The following FBN2 variants were observed in gnomAD, a reference collection of about 807,000 sequenced individuals.
FBN2 encodes the protein fibrillin 2, also known as fibrillin-2.
A neutral mutation model predicts 355.6 loss-of-function variants in FBN2; 105 were observed. The ratio of observed to expected loss-of-function variants is 0.30; its 90% CI spans 0.25 to 0.35. FBN2 has a LOEUF of 0.35. FBN2 is among the 10% of genes least tolerant of loss of function. The pLI is 1.00. For synonymous variants in FBN2, 1,350 were observed against 1,301.2 expected (o/e 1.04, Z -0.81); for missense variants, 3,280 against 3,758.7 (o/e 0.87, Z 3.33).
At chr5:128,458,843 G>C (rs1190303167) in intron 6 of FBN2, among the ~76,000 whole-genome samples, 1 of 152,072 alleles carries the variant, frequency 6.6e-6, no homozygotes, top group Non-Finnish European at 1.5e-5. Flanking sequence ...ACATCAGAAA[G>C]CTATAAAGAT....
At chr5:128,522,841 C>T (rs963180262) in intron 4 of FBN2, among the ~76,000 whole-genome samples, 19 of 152,214 alleles carry the variant, frequency 1.2e-4, no homozygotes, top group African/African-American at 4.3e-4. Context: ...ACAGAAGGAA[C>T]GCTGACCACT....
At chr5:128,473,108 G>A (rs1754917069) in intron 5 of FBN2, among the ~76,000 whole-genome samples, 1 of 152,112 alleles carries the variant, frequency 6.6e-6, no homozygotes, top group Non-Finnish European at 1.5e-5. Flanking sequence ...ACTATACTTT[G>A]GCAAGTTTTT....
Position 128,344,119 on chromosome 5 carries a change from C to T in FBN2, c.3343+266G>A, listed in dbSNP as rs141806441. Among the ~76,000 whole-genome samples, 1,696 of 152,132 alleles carry T rather than the reference C, an allele frequency of 0.011. 32 individuals carry two copies. The highest frequency in any genetic ancestry group is 0.038 in the African/African-American group (1,572 of 41,476). On this transcript the variant is annotated intron_variant, in intron 25 of 64. Transcript: ENST00000262464. ...CTTTTTAATTAGCTGTGCATGGTGG[C>T]GCACACCTGTGCTCCCAGTTACTTG...
Position 128,537,885 on chromosome 5 carries a change from C to A in FBN2, c.-282G>T. ...GAGCGGTACACGTTGCATAACCGGC[C>A]TAAAGCCCCGAGCGACTCCAGGACC... On this transcript the variant is annotated 5_prime_UTR_variant, in exon 1 of 65. In the 5' UTR this introduces an upstream ATG that the reference lacks. Transcript: ENST00000262464. 1.3e-5 allele frequency: 7 copies of A among 530,432 alleles called. No homozygotes were observed. The highest frequency in any genetic ancestry group is 3.4e-5 in the Admixed American group (1 of 29,736). 32.9% of individuals were successfully genotyped at this position (530,432 alleles called of 1,614,324 possible). A position where few individuals can be genotyped will look rare whatever the true frequency, so the allele number is the denominator to read the frequency against.
chr5:128,527,811 T>C lies in FBN2; in HGVS notation c.532+61A>G. ...TCACAGGATTTATGAGACCTTAAAT[T>C]ATAACTTAATATGAAATATCCACCA... is the stretch of plus-strand genomic sequence containing the variant. On this transcript the variant is annotated intron_variant, in intron 4 of 64. Transcript: ENST00000262464. The C allele has an allele frequency of 2.5e-6, 3 of 1,214,110 alleles. No individual in the cohort carries two copies. The Admixed American group carries it at 5.3e-5, about 22-fold the overall frequency. The allele number at this position is 1,214,110 out of a possible 1,614,324, so 75.2% of individuals were successfully genotyped here.
chr5:128,506,263 G>A (rs1755957241), intron 5 of FBN2, among the ~76,000 whole-genome samples: 1 of 152,106 alleles, frequency 6.6e-6, no homozygotes, highest in African/African-American at 2.4e-5. Flanking sequence ...AATTTTGGGA[G>A]AAGAGATACC....
At chr5:128,299,849 C>T (rs7711092) in intron 48 of FBN2, among the ~76,000 whole-genome samples, 2 of 152,070 alleles carry the variant, frequency 1.3e-5, no homozygotes, top group Admixed American at 1.3e-4. Flanking sequence ...GCTCCTCCCC[C>T]CTTAAACTTT....
chr5:128,378,553 T>A (rs992174263), intron 12 of FBN2, among the ~76,000 whole-genome samples: 6 of 152,194 alleles, frequency 3.9e-5, no homozygotes, highest in Admixed American at 3.3e-4. Context: ...GGAAGGAAGA[T>A]AAACTGAATT....
intron 6 of FBN2, among the ~76,000 whole-genome samples, chr5:128,456,360 C>T (rs547537835): frequency 1.3e-5 from 2 of 152,312 alleles, no homozygotes; most frequent in Admixed American, 1.3e-4. Flanking sequence ...CTTAGCCTCT[C>T]CTCCTGGTAG....
rs1424669170 is a variant in FBN2, at chr5:128,415,447, C to T, written c.953-6648G>A. On this transcript the variant is annotated intron_variant, in intron 7 of 64. Coordinates refer to ENST00000262464, the MANE Select transcript of FBN2 (RefSeq NM_001999.4). The stretch of plus-strand genomic sequence containing the variant: ...ATTTTTATACACATATGAGTGAGAC[C>T]ATGAAATATTTGCCTTTATCTTCTG... Among the ~76,000 whole-genome samples the T allele has an allele frequency of 2.6e-5, 4 of 152,124 alleles. No individual in the cohort carries two copies. The East Asian group carries it at 7.7e-4, about 29-fold the overall frequency.
intron 5 of FBN2, among the ~76,000 whole-genome samples, chr5:128,482,500 A>G (rs1755219457): frequency 6.6e-6 from 1 of 152,150 alleles, no homozygotes; most frequent in African/African-American, 2.4e-5. Context: ...TTTTGCAACC[A>G]AGACCCTTAA....
intron 6 of FBN2, among the ~76,000 whole-genome samples, chr5:128,447,785 T>C (rs922937954): frequency 6.6e-6 from 1 of 152,240 alleles, no homozygotes; most frequent in East Asian, 1.9e-4. Flanking sequence ...CGACATGTGA[T>C]GTCTCCCCCG....
rs1752562223 is a variant in FBN2, at chr5:128,393,158, T to C, written c.1442A>G (p.Gln481Arg). The C allele has an allele frequency of 6.2e-7, 1 of 1,613,914 alleles. No individual in the cohort carries two copies. The highest frequency in any genetic ancestry group is 8.5e-7 in the Non-Finnish European group (1 of 1,179,880). Residue 481 changes from glutamine (Q) to arginine (R), a missense_variant, in exon 10 of 65, where the codon CAG (glutamine) becomes CGG (arginine). By Grantham distance (43) the Gln-to-Arg change is conservative (BLOSUM62 1). Around this residue, in one of 6 missense-constraint regions of FBN2, gnomAD observed 343 missense variants for 331.0 expected, o/e 1.04. Coordinates refer to ENST00000262464, the MANE Select transcript of FBN2 (RefSeq NM_001999.4). The part of the protein sequence containing the change: ...VGGAGVGAGG[Q>R]GPIITGLTIL... ...ACTTAGTCCAGTGATGATAGGTCCCTGTCCCCCGGCCCCCACACCGGCTCC... is the reference window on the plus strand; with the variant it reads ...ACTTAGTCCAGTGATGATAGGTCCCCGTCCCCCGGCCCCCACACCGGCTCC...
rs200874160 is a variant in FBN2 at position 128,446,616 on chromosome 5, G to A, written c.827-10C>T. 1.7e-5 allele frequency: 27 copies of A among 1,612,926 alleles called. 1 individual carries two copies. In the South Asian group the frequency reaches 2.2e-4, roughly 13 times the overall value. On this transcript the variant is annotated splice_polypyrimidine_tract_variant and intron_variant, in intron 6 of 64. Coordinates refer to ENST00000262464, the MANE Select transcript of FBN2 (RefSeq NM_001999.4). The stretch of plus-strand genomic sequence containing the variant: ...TGGCATTCATCAACATCTGCAAGAA[G>A]AAAACATTTTGAACACAGATGACAC...
chr5:128,264,286 C>T (rs955066772), intron 62 of FBN2, among the ~76,000 whole-genome samples: 5 of 152,042 alleles, frequency 3.3e-5, no homozygotes, highest in Admixed American at 3.3e-4. Context: ...AATTTATAAA[C>T]CCTAAATGAA....
In FBN2 at chr5:128,302,958, G is replaced by T; in HGVS notation, c.5917+15C>A. 1.5e-6 allele frequency: 2 copies of T among 1,295,130 alleles called. No homozygotes were observed. The highest frequency in any genetic ancestry group is 2.3e-6 in the Non-Finnish European group (2 of 888,464). 80.2% of individuals were successfully genotyped at this position (1,295,130 alleles called of 1,614,324 possible). A position where few individuals can be genotyped will look rare whatever the true frequency, so the allele number is the denominator to read the frequency against. On this transcript the variant is annotated intron_variant, in intron 46 of 64. Coordinates refer to ENST00000262464, the MANE Select transcript of FBN2 (RefSeq NM_001999.4). Reference sequence around the variant, plus strand: ...AATGAAATAGAAGCAATAAAGGACTGAATGAAGTACTTACCCAGGCAATCA... The same window carrying T: ...AATGAAATAGAAGCAATAAAGGACTTAATGAAGTACTTACCCAGGCAATCA...
chr5:128,444,117 C>T (rs1250397317), intron 7 of FBN2, among the ~76,000 whole-genome samples: 2 of 126,268 alleles, frequency 1.6e-5, no homozygotes, highest in African/African-American at 3.1e-5. Flanking sequence ...CCAGGCCGGA[C>T]TGCGGACTGC....
chr5:128,337,875 C>T (rs188106322), intron 27 of FBN2, 122 bp downstream of exon 27: 3 of 1,078,456 alleles, frequency 2.8e-6, no homozygotes, highest in South Asian at 1.3e-5. Context: ...TAGGGAATCT[C>T]AATTTCCACC....
In FBN2 at chr5:128,280,304, G is replaced by T; in HGVS notation, c.7026C>A (p.Cys2342Ter). The T allele has an allele frequency of 6.2e-7, 1 of 1,609,984 alleles. No homozygotes were observed. Among genetic ancestry groups the T allele is most frequent in the Non-Finnish European group, 8.5e-7 (1 of 1,176,706 alleles). The change falls in exon 56 of 65, where the codon TGC (cysteine) becomes TGA (stop). Residue 2342 changes from cysteine to a stop codon, truncating the protein, a stop_gained. Coordinates refer to ENST00000262464, the MANE Select transcript of FBN2 (RefSeq NM_001999.4). LOFTEE classifies it high-confidence loss of function. ...TTTCACAGATTCCTGGCTTGGTCCT[G>T]CATTCATTTTCATCTTTAGAAAAAC... ...DGEGCVDENE[C>*]RTKPGICENG... is the part of the protein sequence containing the mutation.
Sources: gnomAD v4.1 joint callset for allele counts (sites outside exome capture counted in the v4.1 genomes callset) on GRCh38, gnomAD v4.1.1 for gene constraint, gnomAD v4.1.1 regional missense constraint, MANE v1.5 for transcripts, NCBI Gene and HGNC (gene_info 2026-07-23, HGNC 2026-07-21) for gene names.